Variants in NLRP7 observed in about 807,000 individuals in gnomAD.
The protein encoded by NLRP7 is NACHT, LRR and PYD domains-containing protein 7.
Under a neutral mutation model 85.5 loss-of-function variants are expected in NLRP7, and 72 were observed. The ratio of observed to expected loss-of-function variants is 0.84; its 90% confidence interval spans 0.70 to 1.02. NLRP7 has a LOEUF of 1.02. NLRP7 is among the 50% of genes least tolerant of loss of function. NLRP7 has a pLI of 0.00. For missense variants in NLRP7, 1,243 were observed against 1,219.5 expected, an observed-to-expected ratio of 1.02 and a Z score of -0.29; for synonymous variants, 550 against 505.2, an observed-to-expected ratio of 1.09 and a Z score of -1.19.
chr19:54,959,496 G>C (rs906334692), intron 1 of NLRP7, among the ~76,000 whole-genome samples: 1 of 151,074 alleles, frequency 6.6e-6, no homozygotes, highest in Admixed American at 6.6e-5. Flanking sequence ...AATATGAGAC[G>C]GTTTCTCTCT....
chr19:54,933,537 T>A, intron 8 of NLRP7, 32 bp downstream of exon 8: 1 of 1,607,970 alleles, frequency 6.2e-7, no homozygotes, highest in Non-Finnish European at 8.5e-7. Flanking sequence ...TGAATTCATG[T>A]GCACACACAC....
exon 4 of NLRP7, chr19:54,939,545 G>T: frequency 6.2e-7 from 1 of 1,612,632 alleles, no homozygotes; most frequent in East Asian, 2.2e-5. Context: ...GGACATCTGC[G>T]CCCACAGGCC....
At chr19:54,933,291 A>G (rs1338845291) in intron 8 of NLRP7, among the ~76,000 whole-genome samples, 2 of 152,012 alleles carry the variant, frequency 1.3e-5, no homozygotes, top group African/African-American at 4.8e-5. Flanking sequence ...GACTACAGGC[A>G]TCCGCCACCA....
exon 5 of NLRP7, chr19:54,938,176 T>C: frequency 6.2e-7 from 1 of 1,614,006 alleles, no homozygotes; most frequent in Non-Finnish European, 8.5e-7. Context: ...AGAGCAGAAA[T>C]CTGTCCAGAG....
rs138696069 is a variant in NLRP7, at chr19:54,930,223, T to C, written c.2810+276A>G. ...GGCTCATGCCTGTAATCCTAGCACA[T>C]TGGGAGGCCGAGGTGGGAGGATTCC... On this transcript the variant is annotated intron_variant, in intron 9 of 9. Coordinates refer to ENST00000340844, the Ensembl canonical transcript of NLRP7. 8.3e-3 allele frequency among the ~76,000 whole-genome samples: 1,262 copies of C among 151,614 alleles called. 21 individuals carry two copies. Among genetic ancestry groups the C allele is most frequent in the African/African-American group, 0.028 (1,159 of 41,302 alleles).
In NLRP7 at chr19:54,934,630, T is replaced by C. The variant is rs1460371611; in HGVS notation, c.2330A>G (p.Gln777Arg). 6.2e-7 allele frequency: 1 copy of C among 1,613,834 alleles called. No homozygotes were observed. The highest frequency in any genetic ancestry group is 1.1e-5 in the South Asian group (1 of 91,070). The change falls in exon 7 of 10, where the codon CAG (glutamine) becomes CGG (arginine). Residue 777 changes from glutamine to arginine, a missense_variant. This residue lies in a region of NLRP7 where 613 missense variants were observed against 588.4 expected (regional missense o/e 1.04). Coordinates refer to ENST00000340844, the Ensembl canonical transcript of NLRP7. The surrounding 1 kb of genome is among the most constrained non-coding windows in gnomAD (Gnocchi z 6.7). ...GAGGACATAGAAGAATTCAGCCCAC[T>C]GCTCCGGGGTGGCACAGTGACCTCC...
intron 5 of NLRP7, among the ~76,000 whole-genome samples, chr19:54,937,790 G>A (rs914564517): frequency 9.9e-5 from 15 of 151,298 alleles, no homozygotes; most frequent in East Asian, 1.9e-4. Context: ...CCAGCTACTC[G>A]GGAGGCTGAG....
At chr19:54,936,898 G>C (rs886698106) in intron 5 of NLRP7, among the ~76,000 whole-genome samples, 3 of 143,940 alleles carry the variant, frequency 2.1e-5, no homozygotes, top group Non-Finnish European at 3.0e-5. Context: ...CTGGGCAACA[G>C]AGCAAGACTC....
chr19:54,962,842 G>A (rs4422092), intron 1 of NLRP7, among the ~76,000 whole-genome samples: 50,995 of 147,126 alleles, frequency 0.35, 9,463 homozygotes, highest in Non-Finnish European at 0.44. Flanking sequence ...CTCGTGATCC[G>A]CCCGCCTCGG....
At chr19:54,940,213 C>T (rs182597034) in exon 4 of NLRP7, 11 of 1,614,174 alleles carry the variant, frequency 6.8e-6, no homozygotes, top group East Asian at 2.2e-5. Flanking sequence ...ATCTGAGCGT[C>T]GGGCTGAGGT....
Position 54,939,835 on chromosome 19 carries a change from G to A in NLRP7, c.984C>T (p.Asp328=), listed in dbSNP as rs772788171. The change falls in exon 4 of 10, where the codon GAC becomes GAT. Residue 328 remains aspartate, a synonymous_variant. Transcript: ENST00000340844. ...AGTGTCTCAGGAAATAGGCCCTCCT[G>A]TCCTCCTCCAGGAAGCCCTCCACCC... is the stretch of plus-strand genomic sequence containing the variant. The A allele has an allele frequency of 9.9e-6, 16 of 1,613,890 alleles. No homozygotes were observed. The African/African-American group carries it at 2.0e-4, about 20-fold the overall frequency.
Position 54,934,413 on chromosome 19 carries a change from G to C in NLRP7, c.2471+76C>G. On this transcript the variant is annotated intron_variant, in intron 7 of 9. Coordinates refer to ENST00000340844, the Ensembl canonical transcript of NLRP7. This position sits in a 1 kb window ranked among gnomAD's most constrained non-coding sequence, Gnocchi z 6.7. ...CAAGAGGCGCCACGTGGGTGGCGCA[G>C]TAAGTCAGGTGTTACCCTTTCTCTT... 6.7e-7 allele frequency: 1 copy of C among 1,482,914 alleles called. No homozygotes were observed. Among genetic ancestry groups the C allele is most frequent in the African/African-American group, 1.4e-5 (1 of 72,376 alleles). 91.9% of individuals were successfully genotyped at this position (1,482,914 alleles called of 1,614,324 possible). A position where few individuals can be genotyped will look rare whatever the true frequency, so the allele number is the denominator to read the frequency against.
Position 54,938,967 on chromosome 19 carries a change from G to A in NLRP7, c.1852C>T (p.Gln618Ter), listed in dbSNP as rs1000212863. Residue 618 changes from glutamine to a stop codon, truncating the protein, a stop_gained, in exon 4 of 10, where the codon CAG becomes TAG. Transcript: ENST00000340844. LOFTEE classifies it high-confidence loss of function. The stretch of plus-strand genomic sequence containing the variant: ...TTTGCTACCTGCAGTGAGAGTTTCT[G>A]CAAGTCTTGACAATGCTTCAGGCTG... 1.2e-6 allele frequency: 2 copies of A among 1,614,088 alleles called. No homozygotes were observed. The highest frequency in any genetic ancestry group is 1.7e-6 in the Non-Finnish European group (2 of 1,179,944).
chr19:54,938,241 C>T (rs200022248), exon 5 of NLRP7: 27 of 1,613,706 alleles, frequency 1.7e-5, no homozygotes, highest in South Asian at 5.5e-5. Flanking sequence ...GGTAAGTGCA[C>T]CTGCAGGAGA....
intron 1 of NLRP7, chr19:54,953,055 G>A (rs113459116): frequency 6.6e-6 from 1 of 151,862 alleles, no homozygotes; most frequent in Non-Finnish European, 1.5e-5. Flanking sequence ...AGAATCGCTT[G>A]AGCCGGGGAG....
intron 1 of NLRP7, 144 bp downstream of exon 1, chr19:54,947,325 T>C: frequency 7.8e-6 from 4 of 515,048 alleles, no homozygotes; most frequent in Non-Finnish European, 1.3e-5. Flanking sequence ...AGACTCCGTC[T>C]CAAAAAAAAA....
At chr19:54,937,947 T>C (rs2069010686) in intron 5 of NLRP7, 97 bp downstream of exon 5, 2 of 805,498 alleles carry the variant, frequency 2.5e-6, no homozygotes. Flanking sequence ...CCCAAATACA[T>C]GGAGATGAAA....
At chr19:54,954,561 G>A (rs140142114) in intron 1 of NLRP7, among the ~76,000 whole-genome samples, 1,864 of 142,276 alleles carry the variant, frequency 0.013, 45 homozygotes, top group African/African-American at 0.046. Flanking sequence ...AAGGGCAACC[G>A]AGGCCGGACG....
chr19:54,945,788 A>G (rs989996623), intron 1 of NLRP7, among the ~76,000 whole-genome samples: 1 of 149,148 alleles, frequency 6.7e-6, no homozygotes, highest in Non-Finnish European at 1.5e-5. Flanking sequence ...TAGTAGAGAC[A>G]GGGTTTCTTG....
Sources: gnomAD v4.1 joint callset for allele counts (sites outside exome capture counted in the v4.1 genomes callset) on GRCh38, gnomAD v4.1.1 for gene constraint, gnomAD v4.1.1 regional missense constraint, Gnocchi (gnomAD v3.1) non-coding constraint, MANE v1.5 for transcripts, NCBI Gene and HGNC (gene_info 2026-07-23, HGNC 2026-07-21) for gene names.